Variants in NUP214 observed in about 807,000 individuals in gnomAD.
NUP214 encodes the protein nucleoporin 214.
NUP214 carries 79 observed loss-of-function variants against 196.2 expected under a neutral mutation model. The observed-to-expected ratio is 0.40, with a 90% confidence interval of 0.34 to 0.49. The LOEUF (loss-of-function observed/expected upper bound fraction) is 0.49. NUP214 is among the 20% of genes least tolerant of loss of function. The pLI, the probability that NUP214 is intolerant of heterozygous loss-of-function variation, is 0.58. For synonymous variants in NUP214, 1,020 were observed against 990.5 expected, an observed-to-expected ratio of 1.03 and a Z score of -0.56; for missense variants, 2,468 against 2,539.0, an observed-to-expected ratio of 0.97 and a Z score of 0.60.
rs770022428 is a variant in NUP214, at chr9:131,139,310, T to C, written c.1035T>C (p.Asp345=). 2 of 1,568,254 alleles carry C rather than the reference T, an allele frequency of 1.3e-6. No individual in the cohort carries two copies. The highest frequency in any genetic ancestry group is 1.7e-6 in the Non-Finnish European group (2 of 1,161,484). ...QINWESWLLE[D]SSRAELPVTD... ...ATTGGGAATCTTGGCTACTGGAGGA[T>C]TCTAGTCGAGCTGAATTGCCTGTGA... The change falls in exon 10 of 36, where the codon GAT becomes GAC. Residue 345 remains aspartate, a synonymous_variant. Coordinates refer to ENST00000359428, the MANE Select transcript of NUP214 (RefSeq NM_005085.4).
intron 21 of NUP214, among the ~76,000 whole-genome samples, chr9:131,172,585 T>C (rs113316592): frequency 0.047 from 7,200 of 152,304 alleles, 261 homozygotes; most frequent in African/African-American, 0.1. Flanking sequence ...TGTATCTTTG[T>C]TGTCCAACAG....
At chr9:131,201,992 C>G (rs543692258) in intron 30 of NUP214, among the ~76,000 whole-genome samples, 22 of 152,306 alleles carry the variant, frequency 1.4e-4, no homozygotes, top group African/African-American at 5.3e-4. Flanking sequence ...GACACAGGAT[C>G]TTGCTGTGTT....
Position 131,125,970 on chromosome 9 carries a change from C to T in NUP214, c.45+221C>T. On this transcript the variant is annotated intron_variant, in intron 1 of 35. Coordinates refer to ENST00000359428, the MANE Select transcript of NUP214 (RefSeq NM_005085.4). The surrounding 1 kb of genome is among the most constrained non-coding windows in gnomAD (Gnocchi z 4.1). Reference sequence around the variant, plus strand: ...GTCTCGTGCACGGCTGTTGAGTTACCCTAGCTACTTCCTGGGGCGGTCACA... The same window carrying T: ...GTCTCGTGCACGGCTGTTGAGTTACTCTAGCTACTTCCTGGGGCGGTCACA... The T allele has an allele frequency of 1.7e-6, 1 of 586,536 alleles. No homozygotes were observed. The highest frequency in any genetic ancestry group is 2.1e-5 in the South Asian group (1 of 47,108). 36.3% of individuals were successfully genotyped at this position (586,536 alleles called of 1,614,324 possible).
chr9:131,196,190 CTG>C lies in NUP214; in HGVS notation c.3721+898_3721+899del, dbSNP rs574365722. 2.5e-3 allele frequency among the ~76,000 whole-genome samples: 381 copies of C among 152,124 alleles called. 4 individuals carry two copies. The highest frequency in any genetic ancestry group is 8.9e-3 in the African/African-American group (371 of 41,504). ...TTATTTATTTTGAGATGGAGTCTCACTGTTGTCATCCAGGCTGGAGTGTAATG... is the reference window on the plus strand; with the variant it reads ...TTATTTATTTTGAGATGGAGTCTCACTTGTCATCCAGGCTGGAGTGTAATG... On this transcript the variant is annotated intron_variant, in intron 28 of 35. Transcript: ENST00000359428.
chr9:131,149,084 G>C (rs6597678), intron 14 of NUP214, among the ~76,000 whole-genome samples: 2,551 of 152,128 alleles, frequency 0.017, 68 homozygotes, highest in African/African-American at 0.059. Flanking sequence ...TTTCCCACGT[G>C]ATTACTTGAG....
chr9:131,220,770 C>T (rs1834535628), intron 31 of NUP214, among the ~76,000 whole-genome samples: 1 of 152,130 alleles, frequency 6.6e-6, no homozygotes, highest in Non-Finnish European at 1.5e-5. Flanking sequence ...GTAATCTCAC[C>T]CGGGTCTGAC....
At position 131,159,584 on chromosome 9, in the gene NUP214, G is replaced by A; in HGVS notation, c.2540+98G>A. 2.9e-6 allele frequency: 3 copies of A among 1,050,626 alleles called. No individual in the cohort carries two copies. In the South Asian group the frequency reaches 4.1e-5, roughly 15 times the overall value. 65.1% of individuals were successfully genotyped at this position (1,050,626 alleles called of 1,614,324 possible). ...AACATATGAAAATCCCAGGCCGGGTGCGGTGGCTCACGCCTGTAATCCCAG... is the reference window on the plus strand; with the variant it reads ...AACATATGAAAATCCCAGGCCGGGTACGGTGGCTCACGCCTGTAATCCCAG... On this transcript the variant is annotated intron_variant, in intron 18 of 35. Transcript: ENST00000359428.
chr9:131,156,602 G>A (rs1404897836), intron 17 of NUP214, among the ~76,000 whole-genome samples: 1 of 151,020 alleles, frequency 6.6e-6, no homozygotes, highest in Non-Finnish European at 1.5e-5. Flanking sequence ...ATTATAAAAG[G>A]GGTTGTTGTT....
intron 28 of NUP214, among the ~76,000 whole-genome samples, chr9:131,196,434 T>C (rs1235831847): frequency 6.6e-6 from 1 of 152,208 alleles, no homozygotes; most frequent in African/African-American, 2.4e-5. Flanking sequence ...GTGCTGGGAT[T>C]ACAGGTGTGA....
chr9:131,184,002 C>CTTTTCT (rs1349614197), intron 24 of NUP214, among the ~76,000 whole-genome samples: 1 of 123,742 alleles, frequency 8.1e-6, no homozygotes, highest in Non-Finnish European at 1.8e-5. Context: ...CGTATTTTTT[C>CTTTTCT]TTTTCTTTTT....
At chr9:131,231,912 C>CAA (rs900440054) in intron 34 of NUP214, among the ~76,000 whole-genome samples, 83 of 43,858 alleles carry the variant, frequency 1.9e-3, no homozygotes, top group East Asian at 3.8e-3. Flanking sequence ...ACAACAACAG[C>CAA]AAAAAAAAAA....
At chr9:131,180,621 G>A (rs576326502) in intron 24 of NUP214, among the ~76,000 whole-genome samples, 1 of 152,234 alleles carries the variant, frequency 6.6e-6, no homozygotes, top group East Asian at 1.9e-4. Context: ...CATTCAGTTC[G>A]TTGGAAGAGT....
intron 24 of NUP214, among the ~76,000 whole-genome samples, chr9:131,182,920 A>G (rs1199307812): frequency 1.3e-5 from 2 of 152,172 alleles, no homozygotes; most frequent in African/African-American, 4.8e-5. Flanking sequence ...TACATCTTCA[A>G]CTTATCACAG....
At chr9:131,150,803 AT>A (rs1564186306) in intron 16 of NUP214, 38 bp downstream of exon 16, 1 of 1,576,436 alleles carries the variant, frequency 6.3e-7, no homozygotes, top group East Asian at 2.2e-5. Context: ...GTTGAATTGC[AT>A]TTAACAATTT....
chr9:131,177,994 G>C (rs1257537086), intron 23 of NUP214, among the ~76,000 whole-genome samples: 2 of 152,188 alleles, frequency 1.3e-5, no homozygotes, highest in African/African-American at 4.8e-5. Context: ...AGCTCAAGCT[G>C]CCCTTTTCCA....
chr9:131,173,980 T>A lies in NUP214; in HGVS notation c.2894-75T>A, dbSNP rs1156909325. 2.7e-6 allele frequency: 4 copies of A among 1,478,576 alleles called. No homozygotes were observed. The Admixed American group carries it at 8.7e-5, about 32-fold the overall frequency. The allele number at this position is 1,478,576 out of a possible 1,614,324, so 91.6% of individuals were successfully genotyped here. ...ACAAGTTGAGTATTTTTTTTTTTTATCAACAGTGAAAATTACTTAGCTTTT... is the reference window on the plus strand; with the variant it reads ...ACAAGTTGAGTATTTTTTTTTTTTAACAACAGTGAAAATTACTTAGCTTTT... On this transcript the variant is annotated intron_variant, in intron 21 of 35. Transcript: ENST00000359428.
At chr9:131,136,464 A>C (rs1028071243) in intron 9 of NUP214, 1 of 155,780 alleles carries the variant, frequency 6.4e-6, no homozygotes, top group African/African-American at 2.4e-5. Flanking sequence ...CTGTTCTTTT[A>C]GGATCCAACC....
rs142507542 is a variant in NUP214, at chr9:131,144,452, G to C, written c.1467G>C (p.Leu489Phe). The change falls in exon 12 of 36, where the codon TTG (leucine) becomes TTC (phenylalanine). Residue 489 changes from leucine (L) to phenylalanine (F), a missense_variant. Leu to Phe is a conservative substitution (Grantham distance 22). This residue lies in a region of NUP214 where 1,801 missense variants were observed against 1,779.4 expected (regional missense o/e 1.01). Transcript: ENST00000359428. Reference sequence around the variant, plus strand: ...TGTTCTCCTTTGGTTCTTCATCTTTGAAGTCATCTGCTACGGTCACTGGGG... The same window carrying C: ...TGTTCTCCTTTGGTTCTTCATCTTTCAAGTCATCTGCTACGGTCACTGGGG... Reference protein sequence around the residue: ...PTVFSFGSSSLKSSATVTGEP... With the variant: ...PTVFSFGSSSFKSSATVTGEP... 5.8e-5 allele frequency: 93 copies of C among 1,614,104 alleles called. No individual in the cohort carries two copies. The highest frequency in any genetic ancestry group is 5.5e-4 in the Admixed American group (33 of 60,026).
At chr9:131,201,192 G>T (rs2131052545) in intron 29 of NUP214, among the ~76,000 whole-genome samples, 1 of 150,966 alleles carries the variant, frequency 6.6e-6, no homozygotes, top group Non-Finnish European at 1.5e-5. Context: ...ACTTAGGCTG[G>T]GTGCGGTGGC....
Sources: allele counts gnomAD v4.1 joint callset (sites outside exome capture counted in the v4.1 genomes callset), GRCh38; gene constraint gnomAD v4.1.1; regional missense constraint gnomAD v4.1.1; non-coding constraint Gnocchi (gnomAD v3.1); transcripts MANE v1.5; gene names NCBI Gene and HGNC (gene_info 2026-07-23, HGNC 2026-07-21).